LRIG1: variants seen among roughly 807,000 people sequenced by gnomAD.
The protein encoded by LRIG1 is leucine-rich repeats and immunoglobulin-like domains protein 1.
A neutral mutation model predicts 99.2 loss-of-function variants in LRIG1; 48 were observed. The ratio of observed to expected loss-of-function variants is 0.48; its 90% confidence interval spans 0.38 to 0.62. The LOEUF is 0.62. LRIG1 is among the 20% of genes least tolerant of loss of function. The pLI, the probability that LRIG1 is intolerant of heterozygous loss-of-function variation, is 0.00. For synonymous variants in LRIG1, 772 were observed against 596.1 expected (o/e 1.29, Z -4.30); for missense variants, 1,646 against 1,434.4 (o/e 1.15, Z -2.38).
intron 6 of LRIG1, among the ~76,000 whole-genome samples, chr3:66,411,084 G>C (rs1702449540): frequency 6.6e-6 from 1 of 152,154 alleles, no homozygotes; most frequent in African/African-American, 2.4e-5. Flanking sequence ...AGGAAACAAG[G>C]GTACATCAGG....
intron 3 of LRIG1, among the ~76,000 whole-genome samples, chr3:66,428,727 A>C (rs1703061195): frequency 6.6e-6 from 1 of 152,252 alleles, no homozygotes; most frequent in South Asian, 2.1e-4. Flanking sequence ...ATCTTCTTAA[A>C]AATTAAAATC....
At chr3:66,396,366 G>A (rs1199303913) in intron 11 of LRIG1, among the ~76,000 whole-genome samples, 1 of 152,200 alleles carries the variant, frequency 6.6e-6, no homozygotes, top group African/African-American at 2.4e-5. Context: ...CCATCCCAGG[G>A]CTTTGCTGGC....
chr3:66,472,737 T>A (rs1053556681), intron 1 of LRIG1, among the ~76,000 whole-genome samples: 7 of 152,122 alleles, frequency 4.6e-5, no homozygotes, highest in Non-Finnish European at 7.4e-5. Context: ...GAATGAAACC[T>A]CCAATAATAT....
intron 3 of LRIG1, among the ~76,000 whole-genome samples, chr3:66,448,199 A>G (rs1016394426): frequency 6.6e-6 from 1 of 152,230 alleles, no homozygotes; most frequent in African/African-American, 2.4e-5. Context: ...TCCCAAAACT[A>G]TGGAAGTCTC....
At position 66,486,388 on chromosome 3, in the gene LRIG1, G is replaced by A. The variant is rs114614270; in HGVS notation, c.218+13802C>T. On this transcript the variant is annotated intron_variant, in intron 1 of 18. Coordinates refer to ENST00000273261, the MANE Select transcript of LRIG1 (RefSeq NM_015541.3). ...TCTTAACCACCGTGCGTCATGAACC[G>A]CACAGCTGCTGCATCCCCACAACCA... is the stretch of plus-strand genomic sequence containing the variant. 6.0e-3 allele frequency among the ~76,000 whole-genome samples: 919 copies of A among 152,150 alleles called. 16 individuals carry two copies. The East Asian group carries it at 0.068, about 11-fold the overall frequency.
In LRIG1 at chr3:66,471,323, A is replaced by G. The variant is rs187440918; in HGVS notation, c.219-8814T>C. Among the ~76,000 whole-genome samples, 5 of 152,336 alleles carry G rather than the reference A, an allele frequency of 3.3e-5. No homozygotes were observed. In the East Asian group the frequency reaches 9.7e-4, roughly 29 times the overall value. On this transcript the variant is annotated intron_variant, in intron 1 of 18. Coordinates refer to ENST00000273261, the MANE Select transcript of LRIG1 (RefSeq NM_015541.3). Reference sequence around the variant, plus strand: ...GAAACACTAATTCACTAACTTTCACATAGTCCTTAAGCTCTACAGGACTTG... The same window carrying G: ...GAAACACTAATTCACTAACTTTCACGTAGTCCTTAAGCTCTACAGGACTTG...
intron 13 of LRIG1, among the ~76,000 whole-genome samples, chr3:66,384,630 G>A (rs1333177135): frequency 6.6e-6 from 1 of 152,068 alleles, no homozygotes; most frequent in Non-Finnish European, 1.5e-5. Context: ...AGAGGCTGTG[G>A]AGATGGAATT....
At chr3:66,407,100 A>T (rs1702295937) in intron 8 of LRIG1, among the ~76,000 whole-genome samples, 1 of 152,108 alleles carries the variant, frequency 6.6e-6, no homozygotes, top group Non-Finnish European at 1.5e-5. Context: ...GCTTGAGAAC[A>T]ACTACTTTTT....
At position 66,415,129 on chromosome 3, in the gene LRIG1, C is replaced by A. The variant is rs1010492754; in HGVS notation, c.504-66G>T. 6 of 1,489,836 alleles carry A rather than the reference C, an allele frequency of 4.0e-6. No individual in the cohort carries two copies. The African/African-American group carries it at 5.6e-5, about 14-fold the overall frequency. 92.3% of individuals were successfully genotyped at this position (1,489,836 alleles called of 1,614,324 possible). On this transcript the variant is annotated intron_variant, in intron 4 of 18. Transcript: ENST00000273261. ...GGCCTTCCTCATTTCATTATAGACACCAGACCTCTCTGGGTCTGAGTTGGG... is the reference window on the plus strand; with the variant it reads ...GGCCTTCCTCATTTCATTATAGACAACAGACCTCTCTGGGTCTGAGTTGGG...
At chr3:66,397,808 G>A (rs1305005020) in intron 11 of LRIG1, among the ~76,000 whole-genome samples, 2 of 152,234 alleles carry the variant, frequency 1.3e-5, no homozygotes, top group Admixed American at 6.5e-5. Flanking sequence ...ACTTTATAGA[G>A]GAGAGTATAT....
At chr3:66,483,548 C>T (rs1038396238) in intron 1 of LRIG1, among the ~76,000 whole-genome samples, 1 of 152,220 alleles carries the variant, frequency 6.6e-6, no homozygotes, top group Non-Finnish European at 1.5e-5. Context: ...GAAAAGCTAC[C>T]TTGGCCTGGT....
chr3:66,500,291 CGCCCGCGGGCCGGCCGCG>C lies in LRIG1; in HGVS notation c.99_116del (p.Ala34_Ala39del). 6.8e-7 allele frequency: 1 copy of C among 1,473,730 alleles called. No homozygotes were observed. The highest frequency in any genetic ancestry group is 8.9e-7 in the Non-Finnish European group (1 of 1,118,364). The allele number at this position is 1,473,730 out of a possible 1,614,324, so 91.3% of individuals were successfully genotyped here. On this transcript the variant is annotated inframe_deletion, in exon 1 of 19. Coordinates refer to ENST00000273261, the MANE Select transcript of LRIG1 (RefSeq NM_015541.3). ...CGCAAGTGCAGGCGGCCGCGCAGGGCGCCCGCGGGCCGGCCGCGGCGGTCACCGGCTCCAGCCGAAGCA... is the reference window on the plus strand; with the variant it reads ...CGCAAGTGCAGGCGGCCGCGCAGGGCGCGGTCACCGGCTCCAGCCGAAGCA...
At chr3:66,411,624 G>C (rs980718378) in intron 6 of LRIG1, among the ~76,000 whole-genome samples, 1 of 152,114 alleles carries the variant, frequency 6.6e-6, no homozygotes, top group Non-Finnish European at 1.5e-5. Context: ...ATGCAGAGAC[G>C]GTTATCAGAG....
At chr3:66,492,605 T>C (rs1046548747) in intron 1 of LRIG1, among the ~76,000 whole-genome samples, 19 of 152,076 alleles carry the variant, frequency 1.2e-4, no homozygotes, top group African/African-American at 4.6e-4. Context: ...CCACAAAAGT[T>C]CAAAAACTAA....
chr3:66,379,180 C>T lies in LRIG1; in HGVS notation c.*1083G>A, dbSNP rs987392127. 1 of 152,632 alleles carries T rather than the reference C, an allele frequency of 6.6e-6. No homozygotes were observed. Among genetic ancestry groups the T allele is most frequent in the South Asian group, 2.1e-4 (1 of 4,820 alleles). The allele number at this position is 152,632 out of a possible 1,614,324, so 9.5% of individuals were successfully genotyped here. On this transcript the variant is annotated 3_prime_UTR_variant, in exon 19 of 19. Transcript: ENST00000273261. ...TTGGCACTCATAAGATGGTTAGCTACCAGTCTCAAAAGTGCAAATTATACC... is the reference window on the plus strand; with the variant it reads ...TTGGCACTCATAAGATGGTTAGCTATCAGTCTCAAAAGTGCAAATTATACC...
chr3:66,404,298 C>T (rs1238634281), intron 9 of LRIG1: 2 of 1,289,282 alleles, frequency 1.6e-6, no homozygotes, highest in Non-Finnish European at 2.0e-6. Context: ...GACACTCGCA[C>T]TCTGCTGAGC....
chr3:66,463,950 T>G (rs1200682528), intron 1 of LRIG1, among the ~76,000 whole-genome samples: 1 of 152,208 alleles, frequency 6.6e-6, no homozygotes, highest in African/African-American at 2.4e-5. Flanking sequence ...GTCCAGAGAT[T>G]ATGTTACCAT....
chr3:66,384,429 G>C (rs537380148), intron 13 of LRIG1, among the ~76,000 whole-genome samples, 157 bp from the exon 14 acceptor site: 1 of 152,074 alleles, frequency 6.6e-6, no homozygotes, highest in Non-Finnish European at 1.5e-5. Flanking sequence ...TGTGAATCAG[G>C]AACCCCCAGC....
rs1701332869 is a variant in LRIG1 at position 66,500,433 on chromosome 3, C to A, written c.-26G>T. The A allele has an allele frequency of 2.2e-6, 3 of 1,333,824 alleles. No individual in the cohort carries two copies. Among genetic ancestry groups the A allele is most frequent in the Non-Finnish European group, 2.9e-6 (3 of 1,042,426 alleles). 82.6% of individuals were successfully genotyped at this position (1,333,824 alleles called of 1,614,324 possible). A position where few individuals can be genotyped will look rare whatever the true frequency, so the allele number is the denominator to read the frequency against. Reference sequence around the variant, plus strand: ...CTTGTCTGGAGCGCGCTGCGAACTCCGGGCGCGGGGACTGTGAGGACCCGA... The same window carrying A: ...CTTGTCTGGAGCGCGCTGCGAACTCAGGGCGCGGGGACTGTGAGGACCCGA... On this transcript the variant is annotated 5_prime_UTR_variant, in exon 1 of 19. Transcript: ENST00000273261.
Sources: allele counts gnomAD v4.1 joint callset (sites outside exome capture counted in the v4.1 genomes callset), GRCh38; gene constraint gnomAD v4.1.1; transcripts MANE v1.5; gene names NCBI Gene and HGNC (gene_info 2026-07-23, HGNC 2026-07-21).